Variants in RASGRF2 observed in about 807,000 individuals in gnomAD.
RASGRF2 encodes Ras protein specific guanine nucleotide releasing factor 2.
RASGRF2 carries 76 observed loss-of-function variants against 151.0 expected under a neutral mutation model. The ratio of observed to expected loss-of-function variants is 0.50; its 90% CI spans 0.42 to 0.61. The LOEUF (loss-of-function observed/expected upper bound fraction) is 0.61, where lower values mean the gene tolerates loss of function less well. RASGRF2 is among the 20% of genes least tolerant of loss of function. RASGRF2 has a pLI of 0.00. For missense variants in RASGRF2, 1,148 were observed against 1,564.6 expected, an observed-to-expected ratio of 0.73 and a Z score of 4.49; for synonymous variants, 504 against 566.5, an observed-to-expected ratio of 0.89 and a Z score of 1.57.
intron 19 of RASGRF2, 102 bp downstream of exon 19, chr5:81,201,544 G>C (rs1392995549): frequency 7.9e-7 from 1 of 1,267,568 alleles, no homozygotes; most frequent in African/African-American, 1.5e-5. Flanking sequence ...GGACAGTGGG[G>C]ACTATGTTCT....
intron 12 of RASGRF2, among the ~76,000 whole-genome samples, chr5:81,099,942 C>A (rs1461155304): frequency 6.7e-6 from 1 of 148,932 alleles, no homozygotes; most frequent in African/African-American, 2.5e-5. Flanking sequence ...GAGTCTCGCC[C>A]TGTCGCCCAG....
At chr5:81,013,133 G>T (rs1749523068) in intron 1 of RASGRF2, among the ~76,000 whole-genome samples, 1 of 152,142 alleles carries the variant, frequency 6.6e-6, no homozygotes, top group African/African-American at 2.4e-5. Context: ...TTTAACTCTA[G>T]CAGGCAGTTT....
In RASGRF2 at chr5:81,227,060, A is replaced by C. The variant is rs941832109; in HGVS notation, c.*1290A>C. On this transcript the variant is annotated 3_prime_UTR_variant, in exon 27 of 27. Transcript: ENST00000265080. Reference sequence around the variant, plus strand: ...CTCTTCTCAGGGAGACTGCTGCTTTAAAAGAAGGAAGAGAAAAAATATAGT... The same window carrying C: ...CTCTTCTCAGGGAGACTGCTGCTTTCAAAGAAGGAAGAGAAAAAATATAGT... The C allele has an allele frequency of 6.6e-6, 1 of 152,212 alleles. No homozygotes were observed. Among genetic ancestry groups the C allele is most frequent in the Non-Finnish European group, 1.5e-5 (1 of 68,040 alleles). 9.4% of individuals were successfully genotyped at this position (152,212 alleles called of 1,614,324 possible). A position where few individuals can be genotyped will look rare whatever the true frequency, so the allele number is the denominator to read the frequency against.
At chr5:81,042,763 C>A in intron 1 of RASGRF2, 114 bp from the exon 2 acceptor site, 1 of 706,672 alleles carries the variant, frequency 1.4e-6, no homozygotes, top group Non-Finnish European at 2.4e-6. Flanking sequence ...ATAAAATTTG[C>A]ATAAGCACTG....
chr5:81,066,063 A>G (rs72769294), intron 2 of RASGRF2, among the ~76,000 whole-genome samples: 1 of 152,200 alleles, frequency 6.6e-6, no homozygotes, highest in Non-Finnish European at 1.5e-5. Context: ...CACTGATGTA[A>G]TATATTTGTA....
intron 10 of RASGRF2, among the ~76,000 whole-genome samples, 155 bp downstream of exon 10, chr5:81,093,116 A>G (rs1167090132): frequency 6.6e-6 from 1 of 152,220 alleles, no homozygotes; most frequent in Non-Finnish European, 1.5e-5. Context: ...CAACTCTGCC[A>G]TTTAATTCGT....
At chr5:80,970,833 G>C (rs1399469437) in intron 1 of RASGRF2, among the ~76,000 whole-genome samples, 1 of 152,124 alleles carries the variant, frequency 6.6e-6, no homozygotes, top group Non-Finnish European at 1.5e-5. Flanking sequence ...CATTCATCAA[G>C]CTAGTTAAGA....
chr5:80,964,093 T>G lies in RASGRF2; in HGVS notation c.288+3067T>G, dbSNP rs80105985. Reference sequence around the variant, plus strand: ...CAAATATGCTTAGATTGTAGGAATATTTGCATTGCTCTATTTTTTTCATAG... The same window carrying G: ...CAAATATGCTTAGATTGTAGGAATAGTTGCATTGCTCTATTTTTTTCATAG... On this transcript the variant is annotated intron_variant, in intron 1 of 26. Coordinates refer to ENST00000265080, the MANE Select transcript of RASGRF2 (RefSeq NM_006909.3). Among the ~76,000 whole-genome samples, 22 of 152,194 alleles carry G rather than the reference T, an allele frequency of 1.4e-4. No individual in the cohort carries two copies. The East Asian group carries it at 3.9e-3, about 27-fold the overall frequency.
At chr5:81,087,301 G>T (rs1435045056) in intron 9 of RASGRF2, 1 of 702,960 alleles carries the variant, frequency 1.4e-6, no homozygotes, top group African/African-American at 1.7e-5. Flanking sequence ...CCAGGCCAAG[G>T]CCCAGGAGAA....
At chr5:81,186,597 T>A (rs1755031677) in intron 18 of RASGRF2, among the ~76,000 whole-genome samples, 1 of 152,108 alleles carries the variant, frequency 6.6e-6, no homozygotes, top group African/African-American at 2.4e-5. Flanking sequence ...ACAGAGTCCT[T>A]TTCACTCTTT....
rs200826389 is a variant in RASGRF2 at position 81,223,874 on chromosome 5, A to C, written c.3622-1804A>C. On this transcript the variant is annotated intron_variant, in intron 26 of 26. Transcript: ENST00000265080. Reference sequence around the variant, plus strand: ...AGATGAGTTCATTACCTAAGTTTAAAAAGTATTTATATTATTTGAATAAAA... The same window carrying C: ...AGATGAGTTCATTACCTAAGTTTAACAAGTATTTATATTATTTGAATAAAA... Among the ~76,000 whole-genome samples, 12 of 152,222 alleles carry C rather than the reference A, an allele frequency of 7.9e-5. No homozygotes were observed. The East Asian group carries it at 2.3e-3, about 29-fold the overall frequency.
rs1319037654 is a variant in RASGRF2, at chr5:81,066,160, C to T, written c.396-1872C>T. ...TTTTTTATGCTCTATTATTATTTTT[C>T]TCCCTTAAGTTCTCCCACAGCATAT... is the stretch of plus-strand genomic sequence containing the variant. On this transcript the variant is annotated intron_variant, in intron 2 of 26. Coordinates refer to ENST00000265080, the MANE Select transcript of RASGRF2 (RefSeq NM_006909.3). Among the ~76,000 whole-genome samples the T allele has an allele frequency of 1.1e-4, 16 of 151,972 alleles. 1 individual carries two copies. The highest frequency in any genetic ancestry group is 3.9e-4 in the African/African-American group (16 of 41,390).
chr5:81,080,620 C>G lies in RASGRF2; in HGVS notation c.992C>G (p.Pro331Arg). The G allele has an allele frequency of 6.2e-7, 1 of 1,613,966 alleles. No individual in the cohort carries two copies. Among genetic ancestry groups the G allele is most frequent in the South Asian group, 1.1e-5 (1 of 91,044 alleles). The change falls in exon 7 of 27, where the codon CCC becomes CGC. Residue 331 changes from proline to arginine, a missense_variant. This residue lies in a region of RASGRF2 where 176 missense variants were observed against 309.6 expected (regional missense o/e 0.57). Coordinates refer to ENST00000265080, the MANE Select transcript of RASGRF2 (RefSeq NM_006909.3). ...ILADLFDILLPMLNIYQEFVR... is the reference protein window; with the variant it reads ...ILADLFDILLRMLNIYQEFVR... ...GCTGATCTGTTTGATATTTTGCTCC[C>G]CATGCTGAACATTTATCAAGAATTT...
chr5:81,060,267 A>G (rs1376225647), intron 2 of RASGRF2, among the ~76,000 whole-genome samples: 1 of 152,082 alleles, frequency 6.6e-6, no homozygotes, highest in Non-Finnish European at 1.5e-5. Context: ...GAGGAAACTC[A>G]CCACTTTGTC....
chr5:81,034,376 T>C (rs1357461607), intron 1 of RASGRF2, among the ~76,000 whole-genome samples: 1 of 152,144 alleles, frequency 6.6e-6, no homozygotes, highest in Non-Finnish European at 1.5e-5. Context: ...TCAACCATTG[T>C]GGAAGACAGT....
chr5:81,003,348 G>T (rs190559425), intron 1 of RASGRF2, among the ~76,000 whole-genome samples: 1 of 151,112 alleles, frequency 6.6e-6, no homozygotes, highest in Non-Finnish European at 1.5e-5. Flanking sequence ...TCAGCCTCCT[G>T]AGTAGCTGGG....
intron 2 of RASGRF2, among the ~76,000 whole-genome samples, chr5:81,060,251 C>T (rs190585232): frequency 0.024 from 3,685 of 152,270 alleles, 70 homozygotes; most frequent in Middle Eastern, 0.12. Flanking sequence ...CCATACCATT[C>T]CCCTTGAGGA....
intron 12 of RASGRF2, among the ~76,000 whole-genome samples, chr5:81,099,487 A>C (rs1045330963): frequency 6.6e-6 from 1 of 152,196 alleles, no homozygotes; most frequent in Non-Finnish European, 1.5e-5. Flanking sequence ...TTGTTGGTGT[A>C]TAGTTAGAGT....
chr5:80,998,156 G>A (rs1289148130), intron 1 of RASGRF2: 1 of 152,028 alleles, frequency 6.6e-6, no homozygotes, highest in African/African-American at 2.4e-5. Flanking sequence ...TTCCAGAAGC[G>A]GAAATGCCTG....
Sources: gnomAD v4.1 joint callset for allele counts (sites outside exome capture counted in the v4.1 genomes callset) on GRCh38, gnomAD v4.1.1 for gene constraint, gnomAD v4.1.1 regional missense constraint, MANE v1.5 for transcripts, NCBI Gene and HGNC (gene_info 2026-07-23, HGNC 2026-07-21) for gene names.